Variants in ARHGEF12 observed in about 807,000 individuals in gnomAD.
The protein encoded by ARHGEF12 is KMT2A/ARHGEF12 fusion protein.
Under a neutral mutation model 211.2 loss-of-function variants are expected in ARHGEF12, and 66 were observed. The observed-to-expected ratio is 0.31, with a 90% CI of 0.26 to 0.38. The LOEUF is 0.38. Ranked by LOEUF, ARHGEF12 falls within the 10% of genes least tolerant of loss-of-function variation. ARHGEF12 has a pLI of 1.00. For synonymous variants in ARHGEF12, 592 were observed against 638.4 expected, an observed-to-expected ratio of 0.93 and a Z score of 1.09; for missense variants, 1,429 against 1,869.5, an observed-to-expected ratio of 0.76 and a Z score of 4.34.
chr11:120,413,171 G>A (rs1017180559), intron 4 of ARHGEF12, among the ~76,000 whole-genome samples: 5 of 152,180 alleles, frequency 3.3e-5, no homozygotes, highest in East Asian at 3.9e-4. Context: ...CTCCTTCAGC[G>A]TTTCATTTTC....
At chr11:120,344,632 G>C (rs1280003188) in intron 1 of ARHGEF12, among the ~76,000 whole-genome samples, 3 of 152,198 alleles carry the variant, frequency 2.0e-5, no homozygotes, top group African/African-American at 7.2e-5. Flanking sequence ...TGTTTAGCAA[G>C]ACCTTCTTAG....
intron 1 of ARHGEF12, among the ~76,000 whole-genome samples, chr11:120,340,641 T>C (rs565977461): frequency 6.2e-4 from 95 of 152,348 alleles, no homozygotes; most frequent in South Asian, 2.1e-3. Flanking sequence ...TTATATGTTA[T>C]TTTCAACGTT....
Position 120,420,846 on chromosome 11 carries a change from A to C in ARHGEF12, c.293A>C (p.Lys98Thr). ...GDNPVFVQSV[K>T]EDGAAMRAGV... ...AATCCAGTCTTCGTACAGTCTGTCA[A>C]AGAAGGCAAGGCATTTTAAAAAACA... is the stretch of plus-strand genomic sequence containing the variant. The change falls in exon 5 of 41, where the codon AAA becomes ACA. Residue 98 changes from lysine to threonine, a missense_variant. Around this residue, in one of 7 missense-constraint regions of ARHGEF12, gnomAD observed 60 missense variants for 121.0 expected, o/e 0.50. Transcript: ENST00000397843. 1 of 1,613,678 alleles carries C rather than the reference A, an allele frequency of 6.2e-7. No individual in the cohort carries two copies. The highest frequency in any genetic ancestry group is 8.5e-7 in the Non-Finnish European group (1 of 1,179,648).
intron 1 of ARHGEF12, among the ~76,000 whole-genome samples, chr11:120,385,766 G>C (rs1470898610): frequency 6.6e-6 from 1 of 152,064 alleles, no homozygotes; most frequent in African/African-American, 2.4e-5. Context: ...AGCATTGCAA[G>C]GATATCTTTA....
At chr11:120,446,110 A>G (rs1946038102) in intron 16 of ARHGEF12, among the ~76,000 whole-genome samples, 1 of 151,570 alleles carries the variant, frequency 6.6e-6, no homozygotes, top group African/African-American at 2.4e-5. Context: ...AGGCAGGAGA[A>G]TGGCATGAAC....
At chr11:120,409,304 A>G in intron 3 of ARHGEF12, 90 bp from the exon 4 acceptor site, 3 of 1,307,396 alleles carry the variant, frequency 2.3e-6, no homozygotes, top group Non-Finnish European at 3.3e-6. Context: ...TAACTTGATC[A>G]TGATTCATTC....
intron 28 of ARHGEF12, among the ~76,000 whole-genome samples, chr11:120,466,036 G>A (rs897531999): frequency 6.6e-6 from 1 of 152,166 alleles, no homozygotes; most frequent in African/African-American, 2.4e-5. Flanking sequence ...AACTATGGCC[G>A]ACAGACCATA....
At chr11:120,484,383 GT>G in intron 39 of ARHGEF12, 54 bp from the exon 40 acceptor site, 2 of 1,514,862 alleles carry the variant, frequency 1.3e-6, no homozygotes, top group Non-Finnish European at 1.8e-6. Flanking sequence ...TGAAGTTTTT[GT>G]TTTGTTTTGT....
chr11:120,416,873 A>G (rs1216168154), intron 4 of ARHGEF12, among the ~76,000 whole-genome samples: 1 of 152,088 alleles, frequency 6.6e-6, no homozygotes, highest in African/African-American at 2.4e-5. Flanking sequence ...GATGGTCTCA[A>G]TCTCTTGACT....
intron 4 of ARHGEF12, 51 bp from the exon 5 acceptor site, chr11:120,420,702 C>G (rs1473127026): frequency 6.8e-7 from 1 of 1,477,746 alleles, no homozygotes. Flanking sequence ...ATTGTCTTTT[C>G]CTTTCTCTGT....
rs759419829 is a variant in ARHGEF12, at chr11:120,407,843, T to C, written c.142+20T>C. 17 of 1,601,420 alleles carry C rather than the reference T, an allele frequency of 1.1e-5. No homozygotes were observed. The highest frequency in any genetic ancestry group is 1.5e-5 in the Non-Finnish European group (17 of 1,169,178). Reference sequence around the variant, plus strand: ...CCACAGGTAAAACACTATTCATTCTTTCAAAGAGTATTGAGAGTAGTGAAG... The same window carrying C: ...CCACAGGTAAAACACTATTCATTCTCTCAAAGAGTATTGAGAGTAGTGAAG... On this transcript the variant is annotated intron_variant, in intron 3 of 40. Transcript: ENST00000397843.
At chr11:120,438,448 C>T (rs1281782186) in intron 12 of ARHGEF12, 1 of 151,994 alleles carries the variant, frequency 6.6e-6, no homozygotes, top group Admixed American at 6.6e-5. Context: ...CGGCCAGTTT[C>T]ACCTGATTTT....
At position 120,451,545 on chromosome 11, in the gene ARHGEF12, A is replaced by G. The variant is rs778957865; in HGVS notation, c.1877A>G (p.His626Arg). The change falls in exon 22 of 41, where the codon CAC (histidine) becomes CGC (arginine). Residue 626 changes from histidine to arginine, a missense_variant. Around this residue, in one of 7 missense-constraint regions of ARHGEF12, gnomAD observed 373 missense variants for 467.5 expected, o/e 0.80. Transcript: ENST00000397843. ...GRAMELQKAR[H>R]PKHLSTPSSV... ...GCCATGGAACTACAGAAGGCGCGCC[A>G]CCCTAAGCACTTATCCACACCCTCA... is the stretch of plus-strand genomic sequence containing the variant. 1 of 1,614,110 alleles carries G rather than the reference A, an allele frequency of 6.2e-7. No homozygotes were observed. The highest frequency in any genetic ancestry group is 8.5e-7 in the Non-Finnish European group (1 of 1,180,010).
intron 4 of ARHGEF12, among the ~76,000 whole-genome samples, chr11:120,413,872 G>T (rs991413058): frequency 1.3e-5 from 2 of 152,158 alleles, no homozygotes; most frequent in African/African-American, 4.8e-5. Flanking sequence ...TAAAGTCAAT[G>T]TAATATGGAA....
chr11:120,378,337 T>A (rs559783244), intron 1 of ARHGEF12, among the ~76,000 whole-genome samples: 1 of 152,346 alleles, frequency 6.6e-6, no homozygotes, highest in African/African-American at 2.4e-5. Context: ...TTCAAGTCTT[T>A]TAAGAAGTTG....
chr11:120,389,569 G>T (rs1348639853), intron 1 of ARHGEF12, among the ~76,000 whole-genome samples: 1 of 152,112 alleles, frequency 6.6e-6, no homozygotes, highest in East Asian at 1.9e-4. Flanking sequence ...GGTGGATGGG[G>T]TATCTTTCAT....
chr11:120,383,962 G>A (rs1943953577), intron 1 of ARHGEF12, among the ~76,000 whole-genome samples: 2 of 152,136 alleles, frequency 1.3e-5, no homozygotes, highest in Non-Finnish European at 2.9e-5. Context: ...AAGCTGTCCT[G>A]TGTGAGAAAT....
chr11:120,447,751 G>C, intron 18 of ARHGEF12, 123 bp from the exon 19 acceptor site: 2 of 620,056 alleles, frequency 3.2e-6, no homozygotes, highest in South Asian at 4.1e-5. Flanking sequence ...AGGAGGCGGA[G>C]GTTGCAGTGA....
At position 120,431,752 on chromosome 11, in the gene ARHGEF12, T is replaced by C; in HGVS notation, c.784-19T>C. 1 of 1,558,594 alleles carries C rather than the reference T, an allele frequency of 6.4e-7. No individual in the cohort carries two copies. The highest frequency in any genetic ancestry group is 8.7e-7 in the Non-Finnish European group (1 of 1,152,506). On this transcript the variant is annotated intron_variant, in intron 10 of 40. Transcript: ENST00000397843. ...TTTTATGTGTTTGTGTGCGCGTGTT[T>C]TTCTTTCATCTGTTTTAGGATGGAG...
Sources: allele counts gnomAD v4.1 joint callset (sites outside exome capture counted in the v4.1 genomes callset), GRCh38; gene constraint gnomAD v4.1.1; regional missense constraint gnomAD v4.1.1; transcripts MANE v1.5; gene names NCBI Gene and HGNC (gene_info 2026-07-23, HGNC 2026-07-21).